The following PELI2 variants were observed in gnomAD, a reference collection of about 807,000 sequenced individuals.
PELI2 encodes pellino E3 ubiquitin protein ligase family member 2.
A neutral mutation model predicts 42.3 loss-of-function variants in PELI2; 23 were observed. That is an observed-to-expected ratio of 0.54 (90% CI 0.39 to 0.77). The LOEUF (loss-of-function observed/expected upper bound fraction) is 0.77. Ranked by LOEUF, PELI2 falls within the 30% of genes least tolerant of loss-of-function variation. PELI2 has a pLI of 0.00. For synonymous variants in PELI2, 245 were observed against 212.2 expected, an observed-to-expected ratio of 1.15 and a Z score of -1.34; for missense variants, 463 against 553.2, an observed-to-expected ratio of 0.84 and a Z score of 1.64.
intron 2 of PELI2, among the ~76,000 whole-genome samples, chr14:56,213,273 A>G (rs1886774127): frequency 6.6e-6 from 1 of 152,172 alleles, no homozygotes; most frequent in African/African-American, 2.4e-5. Flanking sequence ...ATGAAGTTAC[A>G]GTTTTTATCA....
chr14:56,171,680 G>GT (rs1885174634), intron 1 of PELI2, among the ~76,000 whole-genome samples: 1 of 152,124 alleles, frequency 6.6e-6, no homozygotes, highest in Non-Finnish European at 1.5e-5. Context: ...GGAAGATTTG[G>GT]TGATAGTTTT....
chr14:56,157,443 T>C (rs1884608306), intron 1 of PELI2, among the ~76,000 whole-genome samples: 2 of 152,232 alleles, frequency 1.3e-5, no homozygotes, highest in Admixed American at 6.5e-5. Context: ...GATGAATCCA[T>C]GTAGCATCAA....
intron 3 of PELI2, among the ~76,000 whole-genome samples, chr14:56,282,606 A>C (rs756828184): frequency 1.3e-5 from 2 of 151,958 alleles, no homozygotes; most frequent in African/African-American, 2.4e-5. Flanking sequence ...ATCTTAGATA[A>C]AATATATAGT....
chr14:56,199,059 TCTA>T (rs758731362), intron 2 of PELI2, among the ~76,000 whole-genome samples: 4 of 152,222 alleles, frequency 2.6e-5, no homozygotes, highest in African/African-American at 4.8e-5. Flanking sequence ...ACTTACTTTT[TCTA>T]CTGTTATTTT....
At chr14:56,249,497 C>A (rs1888272490) in intron 2 of PELI2, among the ~76,000 whole-genome samples, 1 of 152,192 alleles carries the variant, frequency 6.6e-6, no homozygotes, top group Non-Finnish European at 1.5e-5. Flanking sequence ...TTCAACTCTT[C>A]CAAGGTGCAG....
chr14:56,159,858 G>A (rs1274805254), intron 1 of PELI2, among the ~76,000 whole-genome samples: 1 of 152,082 alleles, frequency 6.6e-6, no homozygotes, highest in Non-Finnish European at 1.5e-5. Flanking sequence ...TGACCCTCCA[G>A]CAATGCTCAG....
chr14:56,166,192 G>A (rs935369976), intron 1 of PELI2, among the ~76,000 whole-genome samples: 1 of 152,012 alleles, frequency 6.6e-6, no homozygotes, highest in Non-Finnish European at 1.5e-5. Flanking sequence ...CTTATAACCG[G>A]TTATTTTAAC....
rs1883195677 is a variant in PELI2, at chr14:56,124,927, T to TG, written c.77+6191dup. ...GAGGGATGATGATGGGGGGATATCA[T>TG]GAAGGGCTTATAAGATATTGGAAGG... is the stretch of plus-strand genomic sequence containing the variant. On this transcript the variant is annotated intron_variant, in intron 1 of 5. Transcript: ENST00000267460. Among the ~76,000 whole-genome samples, 2 of 152,192 alleles carry TG rather than the reference T, an allele frequency of 1.3e-5. 1 individual carries two copies. Among genetic ancestry groups the TG allele is most frequent in the South Asian group, 4.1e-4 (2 of 4,826 alleles).
rs552449620 is a variant in PELI2 at position 56,118,629 on chromosome 14, C to A, written c.-32C>A. The A allele has an allele frequency of 1.1e-4, 140 of 1,308,156 alleles. No homozygotes were observed. Among genetic ancestry groups the A allele is most frequent in the Non-Finnish European group, 1.3e-4 (132 of 1,007,678 alleles). 81.0% of individuals were successfully genotyped at this position (1,308,156 alleles called of 1,614,324 possible). The stretch of plus-strand genomic sequence containing the variant: ...GGGATCGCGGCGGAGGCGGCGGCGT[C>A]GGCGGCGGCGTCGGCGGCCGAGCGG... On this transcript the variant is annotated 5_prime_UTR_variant, in exon 1 of 6. Coordinates refer to ENST00000267460, the MANE Select transcript of PELI2 (RefSeq NM_021255.3).
intron 2 of PELI2, among the ~76,000 whole-genome samples, chr14:56,228,686 C>T (rs1006409654): frequency 3.3e-5 from 5 of 152,174 alleles, no homozygotes; most frequent in South Asian, 2.1e-4. Flanking sequence ...CCAGTGTGAG[C>T]GATGCAGAAG....
chr14:56,125,705 C>T lies in PELI2; in HGVS notation c.77+6968C>T, dbSNP rs867265947. Reference sequence around the variant, plus strand: ...AATACAAGGGCAGATAGTTAAGTATCCCTGGACAAAAACGTGGTTCTGCCC... The same window carrying T: ...AATACAAGGGCAGATAGTTAAGTATTCCTGGACAAAAACGTGGTTCTGCCC... On this transcript the variant is annotated intron_variant, in intron 1 of 5. Coordinates refer to ENST00000267460, the MANE Select transcript of PELI2 (RefSeq NM_021255.3). Among the ~76,000 whole-genome samples, 6 of 152,100 alleles carry T rather than the reference C, an allele frequency of 3.9e-5. No homozygotes were observed. The South Asian group carries it at 1.2e-3, about 32-fold the overall frequency.
At chr14:56,174,485 A>G (rs1290694856) in intron 1 of PELI2, among the ~76,000 whole-genome samples, 2 of 152,222 alleles carry the variant, frequency 1.3e-5, no homozygotes, top group Non-Finnish European at 2.9e-5. Context: ...CCCCACCCAA[A>G]TCTCATCTTG....
At chr14:56,183,144 T>C (rs1418873264) in intron 2 of PELI2, among the ~76,000 whole-genome samples, 1 of 152,198 alleles carries the variant, frequency 6.6e-6, no homozygotes, top group Non-Finnish European at 1.5e-5. Flanking sequence ...ATTTGTTGAG[T>C]ATTTTATTTT....
chr14:56,272,135 A>G (rs888854869), intron 2 of PELI2, among the ~76,000 whole-genome samples: 2 of 152,212 alleles, frequency 1.3e-5, no homozygotes, highest in African/African-American at 2.4e-5. Flanking sequence ...GCTCATTTCA[A>G]AAACATTCAT....
intron 2 of PELI2, among the ~76,000 whole-genome samples, chr14:56,202,670 G>A (rs1886372208): frequency 6.6e-6 from 1 of 152,232 alleles, no homozygotes; most frequent in Non-Finnish European, 1.5e-5. Context: ...GGGCCTAGGT[G>A]TAGGATGATT....
At chr14:56,153,750 A>G (rs1356425267) in intron 1 of PELI2, among the ~76,000 whole-genome samples, 1 of 152,214 alleles carries the variant, frequency 6.6e-6, no homozygotes, top group East Asian at 1.9e-4. Flanking sequence ...ACTGTTTTGT[A>G]TATTTAAAAT....
At chr14:56,128,710 G>C (rs779128084) in intron 1 of PELI2, among the ~76,000 whole-genome samples, 1 of 152,036 alleles carries the variant, frequency 6.6e-6, no homozygotes, top group Non-Finnish European at 1.5e-5. Context: ...GTCAGGTTGG[G>C]GTATTGTTGG....
intron 2 of PELI2, among the ~76,000 whole-genome samples, chr14:56,234,118 T>C (rs1423406912): frequency 6.6e-6 from 1 of 152,136 alleles, no homozygotes; most frequent in African/African-American, 2.4e-5. Context: ...CTGGAGAGGA[T>C]GTGGAGAAAT....
intron 2 of PELI2, among the ~76,000 whole-genome samples, chr14:56,195,224 A>C (rs1000324701): frequency 1.3e-5 from 2 of 152,108 alleles, no homozygotes; most frequent in Non-Finnish European, 2.9e-5. Flanking sequence ...GGGATCCCCA[A>C]CCCCCTTCAA....
Sources: gnomAD v4.1 joint callset for allele counts (sites outside exome capture counted in the v4.1 genomes callset) on GRCh38, gnomAD v4.1.1 for gene constraint, MANE v1.5 for transcripts, NCBI Gene and HGNC (gene_info 2026-07-23, HGNC 2026-07-21) for gene names.